KHDRBS3: variants seen among roughly 807,000 people sequenced by gnomAD.
KHDRBS3 encodes KH domain-containing, RNA-binding, signal transduction-associated protein 3.
KHDRBS3 carries 23 observed loss-of-function variants against 45.6 expected under a neutral mutation model. That is an observed-to-expected ratio of 0.50 (90% CI 0.36 to 0.72). KHDRBS3 has a LOEUF of 0.72. Among genes scored for constraint, KHDRBS3 ranks in the 30% least tolerant of loss-of-function variants. KHDRBS3 has a pLI of 0.00. For synonymous variants in KHDRBS3, 162 were observed against 156.5 expected (o/e 1.04, Z -0.26); for missense variants, 352 against 424.8 (o/e 0.83, Z 1.51).
intron 2 of KHDRBS3, among the ~76,000 whole-genome samples, chr8:135,521,895 A>G (rs983410548): frequency 3.3e-5 from 5 of 152,118 alleles, no homozygotes; most frequent in Admixed American, 6.5e-5. Flanking sequence ...TTTGGTTATT[A>G]TAAATTAAAT....
chr8:135,587,984 C>T (rs1828559552), intron 6 of KHDRBS3, among the ~76,000 whole-genome samples: 1 of 152,184 alleles, frequency 6.6e-6, no homozygotes, highest in African/African-American at 2.4e-5. Context: ...CAATACGTCA[C>T]TTTTGCACTG....
At position 135,582,007 on chromosome 8, in the gene KHDRBS3, A is replaced by G; in HGVS notation, c.741A>G (p.Arg247=). The G allele has an allele frequency of 6.2e-7, 1 of 1,613,020 alleles. No homozygotes were observed. Among genetic ancestry groups the G allele is most frequent in the Non-Finnish European group, 8.5e-7 (1 of 1,179,442 alleles). Residue 247 remains arginine (R), a synonymous_variant, in exon 6 of 9, where the codon AGA becomes AGG. Coordinates refer to ENST00000355849, the MANE Select transcript of KHDRBS3 (RefSeq NM_006558.3). ...RGRGLLTPRA[R]GVPPTGYRPP... is the part of the protein sequence containing the mutation. ...GAGGACTTCTCACTCCCAGAGCAAG[A>G]GGAGTCCCCCCAACTGGGTACAGAC... is the stretch of plus-strand genomic sequence containing the variant.
intron 7 of KHDRBS3, chr8:135,625,513 A>C: frequency 1.2e-6 from 1 of 810,592 alleles, no homozygotes; most frequent in Non-Finnish European, 2.2e-6. Flanking sequence ...GGGGAGCTGC[A>C]CTGCTAGAAC....
intron 4 of KHDRBS3, among the ~76,000 whole-genome samples, chr8:135,655,538 G>A (rs1465617353): frequency 4.6e-5 from 7 of 152,224 alleles, no homozygotes; most frequent in African/African-American, 9.7e-5. Flanking sequence ...CATGCTGGGA[G>A]AGAAATGAAA....
Position 135,635,408 on chromosome 8 carries a change from G to A in KHDRBS3, c.891-9651G>A, listed in dbSNP as rs573447081. 3.3e-5 allele frequency among the ~76,000 whole-genome samples: 5 copies of A among 151,566 alleles called. No individual in the cohort carries two copies. In the South Asian group the frequency reaches 8.4e-4, roughly 25 times the overall value. The stretch of plus-strand genomic sequence containing the variant: ...TTGTTTGTTTGTTTGTTTTTGAGAC[G>A]GAGTCTTGCTCATTGCCCAGCCTGG... On this transcript the variant is annotated intron_variant, in intron 7 of 8. Transcript: ENST00000355849.
At chr8:135,579,559 A>G (rs1828106573) in intron 5 of KHDRBS3, among the ~76,000 whole-genome samples, 1 of 151,688 alleles carries the variant, frequency 6.6e-6, no homozygotes, top group East Asian at 2.0e-4. Flanking sequence ...CTGGTTTCGA[A>G]CTCCTGATCT....
chr8:135,647,108 T>C lies in KHDRBS3; in HGVS notation c.*24T>C, dbSNP rs1366116037. The C allele has an allele frequency of 1.3e-5, 17 of 1,278,548 alleles. No individual in the cohort carries two copies. The highest frequency in any genetic ancestry group is 2.9e-5 in the African/African-American group (2 of 68,334). The allele number at this position is 1,278,548 out of a possible 1,614,324, so 79.2% of individuals were successfully genotyped here. A position where few individuals can be genotyped will look rare whatever the true frequency, so the allele number is the denominator to read the frequency against. On this transcript the variant is annotated 3_prime_UTR_variant, in exon 9 of 9. Coordinates refer to ENST00000355849, the MANE Select transcript of KHDRBS3 (RefSeq NM_006558.3). The stretch of plus-strand genomic sequence containing the variant: ...GATTGTACTGTCTGATGTTGTGAAA[T>C]AGCCAATCTCCACCAGTCCTGTATA...
chr8:135,621,189 G>A (rs887782577), intron 7 of KHDRBS3, among the ~76,000 whole-genome samples: 1 of 152,070 alleles, frequency 6.6e-6, no homozygotes, highest in South Asian at 2.1e-4. Context: ...TTTAATCTGA[G>A]TCTTGGTGTA....
intron 1 of KHDRBS3, among the ~76,000 whole-genome samples, chr8:135,459,720 A>G (rs1191007951): frequency 6.6e-6 from 1 of 152,252 alleles, no homozygotes; most frequent in Non-Finnish European, 1.5e-5. Context: ...TTTAAAAGTC[A>G]GAATTATTTT....
At chr8:135,553,872 C>T (rs1259708288) in intron 4 of KHDRBS3, among the ~76,000 whole-genome samples, 3 of 151,960 alleles carry the variant, frequency 2.0e-5, no homozygotes, top group Non-Finnish European at 2.9e-5. Context: ...ACTTTTCAGA[C>T]GGGGAGTTAA....
chr8:135,495,316 T>C (rs925598978), intron 1 of KHDRBS3, among the ~76,000 whole-genome samples: 3 of 152,216 alleles, frequency 2.0e-5, no homozygotes, highest in African/African-American at 7.2e-5. Flanking sequence ...AAAAATTATT[T>C]TGTCAATTAT....
chr8:135,509,483 G>A (rs1001403880), intron 1 of KHDRBS3, among the ~76,000 whole-genome samples: 2 of 152,154 alleles, frequency 1.3e-5, no homozygotes, highest in African/African-American at 4.8e-5. Context: ...CCTTCTACCA[G>A]TTTTAGGGAA....
intron 6 of KHDRBS3, among the ~76,000 whole-genome samples, chr8:135,596,541 C>A (rs1200879446): frequency 6.6e-6 from 1 of 151,916 alleles, no homozygotes; most frequent in Non-Finnish European, 1.5e-5. Context: ...GCAACATAGT[C>A]CTGAAATTAT....
intron 5 of KHDRBS3, among the ~76,000 whole-genome samples, chr8:135,577,105 C>CA (rs1554632767): frequency 1.4e-5 from 2 of 138,890 alleles, no homozygotes; most frequent in African/African-American, 5.5e-5. Flanking sequence ...TGCTTATTTA[C>CA]GGTTTTTTTT....
At chr8:135,625,132 A>G (rs1830300997) in intron 7 of KHDRBS3, 11 of 1,030,458 alleles carry the variant, frequency 1.1e-5, no homozygotes, top group Non-Finnish European at 1.6e-5. Context: ...TTTTACAGTT[A>G]AGCACATGAT....
chr8:135,558,316 C>G, intron 5 of KHDRBS3, among the ~76,000 whole-genome samples: 1 of 29,222 alleles, frequency 3.4e-5, no homozygotes, highest in African/African-American at 6.8e-5. Context: ...ATGACTATCT[C>G]AAATTTATTT....
chr8:135,655,727 T>TTTGG (rs111282833), intron 4 of KHDRBS3, among the ~76,000 whole-genome samples: 3 of 151,238 alleles, frequency 2.0e-5, no homozygotes, highest in Non-Finnish European at 4.4e-5. Flanking sequence ...CGATTGGGTT[T>TTTGG]TTTGTTTGTT....
At chr8:135,624,581 G>A (rs950133438) in intron 7 of KHDRBS3, among the ~76,000 whole-genome samples, 2 of 152,152 alleles carry the variant, frequency 1.3e-5, no homozygotes, top group Non-Finnish European at 2.9e-5. Context: ...GGATGCAGTT[G>A]GCCAATGACA....
chr8:135,579,491 C>T (rs1828102193), intron 5 of KHDRBS3, among the ~76,000 whole-genome samples: 1 of 152,098 alleles, frequency 6.6e-6, no homozygotes, highest in Non-Finnish European at 1.5e-5. Flanking sequence ...TGTATCACCA[C>T]GCCTGGCTAA....
Sources: allele counts gnomAD v4.1 joint callset (sites outside exome capture counted in the v4.1 genomes callset), GRCh38; gene constraint gnomAD v4.1.1; transcripts MANE v1.5; gene names NCBI Gene and HGNC (gene_info 2026-07-23, HGNC 2026-07-21).